CDH3: variants seen among roughly 807,000 people sequenced by gnomAD.
CDH3 encodes cadherin-3.
Under a neutral mutation model 82.0 loss-of-function variants are expected in CDH3, and 54 were observed. The ratio of observed to expected loss-of-function variants is 0.66; its 90% confidence interval spans 0.53 to 0.83. The LOEUF is 0.83. CDH3 is among the 40% of genes least tolerant of loss of function. The pLI, the probability that CDH3 is intolerant of heterozygous loss-of-function variation, is 0.00. For missense variants in CDH3, 1,054 were observed against 1,084.6 expected, an observed-to-expected ratio of 0.97 and a Z score of 0.40; for synonymous variants, 446 against 437.9, an observed-to-expected ratio of 1.02 and a Z score of -0.23.
chr16:68,660,748 G>A (rs1364877662), intron 2 of CDH3, among the ~76,000 whole-genome samples: 1 of 152,158 alleles, frequency 6.6e-6, no homozygotes, highest in African/African-American at 2.4e-5. Context: ...CACGAGGTCA[G>A]GAGATCGAGA....
At chr16:68,675,360 G>C (rs1279675629) in intron 2 of CDH3, among the ~76,000 whole-genome samples, 1 of 152,184 alleles carries the variant, frequency 6.6e-6, no homozygotes, top group Non-Finnish European at 1.5e-5. Flanking sequence ...GTGCTGACAG[G>C]ACCCAGGGTA....
chr16:68,699,129 T>A lies in CDH3; in HGVS notation c.*729T>A, dbSNP rs1327654406. The A allele has an allele frequency of 2.0e-5, 3 of 152,256 alleles. No homozygotes were observed. Among genetic ancestry groups the A allele is most frequent in the Non-Finnish European group, 4.4e-5 (3 of 68,052 alleles). The allele number at this position is 152,256 out of a possible 1,614,324, so 9.4% of individuals were successfully genotyped here. A position where few individuals can be genotyped will look rare whatever the true frequency, so the allele number is the denominator to read the frequency against. ...CCATTCACTTGTTTAACGTTTACAA[T>A]TCAATGGTTTTTAGAATTTTCAGAG... On this transcript the variant is annotated 3_prime_UTR_variant, in exon 16 of 16. Transcript: ENST00000264012.
At position 68,695,886 on chromosome 16, in the gene CDH3, C is replaced by A; in HGVS notation, c.2243C>A (p.Pro748Gln). The A allele has an allele frequency of 6.2e-7, 1 of 1,614,130 alleles. No homozygotes were observed. The highest frequency in any genetic ancestry group is 8.5e-7 in the Non-Finnish European group (1 of 1,180,032). ...IIPTPMYRPR[P>Q]ANPDEIGNFI... ...CCGACACCCATGTACCGTCCTCGGC[C>A]AGCCAACCCAGATGAAATCGGCAAC... The change falls in exon 15 of 16, where the codon CCA (proline) becomes CAA (glutamine). Residue 748 changes from proline to glutamine, a missense_variant. Coordinates refer to ENST00000264012, the MANE Select transcript of CDH3 (RefSeq NM_001793.6).
chr16:68,648,794 G>A (rs893205150), intron 2 of CDH3, among the ~76,000 whole-genome samples: 12 of 151,916 alleles, frequency 7.9e-5, no homozygotes, highest in Admixed American at 2.0e-4. Context: ...AGTGGAGAGG[G>A]TAGAATGTTG....
At position 68,709,295 on chromosome 16, in the gene CDH3, G is replaced by C. The variant is rs115520315; in HGVS notation, c.100-13130G>C. Reference sequence around the variant, plus strand: ...TCACTGTGTTGCCCAGGCTGGTCTCGATCTGGCTTCAAGCCATCCTCCCTC... The same window carrying C: ...TCACTGTGTTGCCCAGGCTGGTCTCCATCTGGCTTCAAGCCATCCTCCCTC... On this transcript the variant is annotated intron_variant, in intron 1 of 2. Transcript: ENST00000569080. 4.9e-3 allele frequency among the ~76,000 whole-genome samples: 750 copies of C among 151,966 alleles called. 5 individuals carry two copies. The highest frequency in any genetic ancestry group is 0.017 in the African/African-American group (720 of 41,468).
intron 12 of CDH3, among the ~76,000 whole-genome samples, chr16:68,691,263 C>A (rs1324185879): frequency 6.6e-6 from 1 of 152,092 alleles, no homozygotes; most frequent in African/African-American, 2.4e-5. Context: ...TTCGGCCTCT[C>A]AAAGTGCCGG....
In CDH3 at chr16:68,684,772, C is replaced by G. The variant is rs766783746; in HGVS notation, c.1372C>G (p.Pro458Ala). The G allele has an allele frequency of 3.2e-5, 51 of 1,614,140 alleles. 1 individual carries two copies. Among genetic ancestry groups the G allele is most frequent in the South Asian group, 2.3e-4 (21 of 91,076 alleles). ...EVQEGIPTGE[P>A]VCVYTAEDPD... ...CCAGGAGGGCATCCCCACTGGGGAG[C>G]CTGTGTGTGTCTACACTGCAGAAGA... Residue 458 changes from proline (P) to alanine (A), a missense_variant, in exon 10 of 16, where the codon CCT becomes GCT. Coordinates refer to ENST00000264012, the MANE Select transcript of CDH3 (RefSeq NM_001793.6).
intron 11 of CDH3, 82 bp downstream of exon 11, chr16:68,685,432 C>T (rs1961383965): frequency 7.0e-7 from 1 of 1,432,476 alleles, no homozygotes; most frequent in African/African-American, 1.4e-5. Context: ...GTTTCCTCCA[C>T]AGGTGGGAAC....
downstream of CDH3, among the ~76,000 whole-genome samples, chr16:68,731,043 A>ATATACAT (rs1962278636): frequency 9.8e-5 from 2 of 20,386 alleles, no homozygotes; most frequent in African/African-American, 2.3e-4. Context: ...AAAAAAAAAA[A>ATATACAT]AAAAATATAT....
intron 2 of CDH3, among the ~76,000 whole-genome samples, chr16:68,661,770 C>A (rs1369676909): frequency 6.6e-6 from 1 of 152,182 alleles, no homozygotes; most frequent in Non-Finnish European, 1.5e-5. Context: ...CTCGCTGCAA[C>A]CTCCGCCTCC....
rs554638246 is a variant in CDH3 at position 68,663,972 on chromosome 16, C to A, written c.161-12413C>A. 6.5e-5 allele frequency among the ~76,000 whole-genome samples: 9 copies of A among 138,160 alleles called. No individual in the cohort carries two copies. In the East Asian group the frequency reaches 9.1e-4, roughly 14 times the overall value. The allele number at this position is 138,160 out of a possible 152,430, so 90.6% of individuals were successfully genotyped here. On this transcript the variant is annotated intron_variant, in intron 2 of 15. Coordinates refer to ENST00000264012, the MANE Select transcript of CDH3 (RefSeq NM_001793.6). The stretch of plus-strand genomic sequence containing the variant: ...CTAAAGCTATCCCTCCCCCCTCCCC[C>A]ACTATGCTAAGTATTAACTCATTCA...
intron 2 of CDH3, among the ~76,000 whole-genome samples, chr16:68,671,220 G>A (rs1359237523): frequency 6.6e-6 from 1 of 151,286 alleles, no homozygotes; most frequent in Non-Finnish European, 1.5e-5. Flanking sequence ...CAAACTCCTG[G>A]GCTCAAGCAA....
chr16:68,704,258 G>A (rs1961933156), downstream of CDH3, among the ~76,000 whole-genome samples: 1 of 151,266 alleles, frequency 6.6e-6, no homozygotes, highest in Non-Finnish European at 1.5e-5. Context: ...CTGCACTCCC[G>A]CCTGGGCCAC....
intron 3 of CDH3, among the ~76,000 whole-genome samples, chr16:68,676,961 G>A (rs1241632973): frequency 2.6e-5 from 4 of 152,102 alleles, no homozygotes; most frequent in Admixed American, 2.0e-4. Flanking sequence ...ATCTCCCCTT[G>A]TTTGCCTCCA....
intron 2 of CDH3, among the ~76,000 whole-genome samples, chr16:68,649,312 C>G (rs1338379270): frequency 1.3e-5 from 2 of 152,202 alleles, no homozygotes; most frequent in South Asian, 2.1e-4. Context: ...TTCAATAATG[C>G]ATCTGACTGA....
At chr16:68,651,345 C>T (rs780609682) in intron 2 of CDH3, 41 of 553,564 alleles carry the variant, frequency 7.4e-5, no homozygotes, top group Non-Finnish European at 1.5e-4. Context: ...GGCTGATGGT[C>T]GAGTGGTCCA....
At chr16:68,658,647 G>A (rs1004936649) in intron 2 of CDH3, among the ~76,000 whole-genome samples, 3 of 152,152 alleles carry the variant, frequency 2.0e-5, no homozygotes, top group Non-Finnish European at 2.9e-5. Flanking sequence ...CCCCACACAA[G>A]CCAGGACAGG....
At chr16:68,704,235 C>T (rs191146600), downstream of CDH3, among the ~76,000 whole-genome samples, 1,459 of 150,860 alleles carry the variant, frequency 9.7e-3, 26 homozygotes, top group African/African-American at 0.034. Context: ...TGCAGTGAGC[C>T]GAGATTGCGC....
At chr16:68,692,546 A>G (rs759217757) in intron 13 of CDH3, among the ~76,000 whole-genome samples, 1 of 152,170 alleles carries the variant, frequency 6.6e-6, no homozygotes, top group Non-Finnish European at 1.5e-5. Context: ...TAGAAAGGCA[A>G]TTTCTCAGGC....
Sources: gnomAD v4.1 joint callset for allele counts (sites outside exome capture counted in the v4.1 genomes callset) on GRCh38, gnomAD v4.1.1 for gene constraint, MANE v1.5 for transcripts, NCBI Gene and HGNC (gene_info 2026-07-23, HGNC 2026-07-21) for gene names.